Variants in LY6S observed in about 807,000 individuals in gnomAD.
The protein encoded by LY6S is lymphocyte antigen 6S.
At chr8:143,042,512 A>C in the LY6S span, 1 of 157,380 alleles carries the variant, frequency 6.4e-6, no homozygotes, top group Non-Finnish European at 1.4e-5. Flanking sequence ...GCACCTCCCC[A>C]AGGCCATGGT....
chr8:143,059,094 T>C, the LY6S span, among the ~76,000 whole-genome samples: 1,636 of 152,362 alleles, frequency 0.011, 31 homozygotes, highest in African/African-American at 0.037. Flanking sequence ...GAACGGCTCA[T>C]GTCCTCTGTC....
the LY6S span, chr8:143,043,058 C>T: frequency 1.9e-5 from 26 of 1,367,726 alleles, no homozygotes; most frequent in East Asian, 1.2e-3. Context: ...TCTTCAAAAC[C>T]AAGCAGCTGG....
the LY6S span, among the ~76,000 whole-genome samples, chr8:143,051,372 C>T: frequency 6.6e-6 from 1 of 152,054 alleles, no homozygotes; most frequent in Non-Finnish European, 1.5e-5. Flanking sequence ...GAAACCCCGT[C>T]TCTACTAAAA....
the LY6S span, among the ~76,000 whole-genome samples, chr8:143,070,446 G>GTATATATATATATAA: frequency 1.4e-5 from 1 of 69,536 alleles, no homozygotes; most frequent in African/African-American, 8.5e-5. Context: ...TATATATATT[G>GTATATATATATATAA]TATATATATA....
the LY6S span, among the ~76,000 whole-genome samples, chr8:143,072,825 A>G: frequency 0.049 from 1,452 of 29,404 alleles, no homozygotes; most frequent in Admixed American, 0.09. Flanking sequence ...CGTCCTCGGG[A>G]TTCCTGTTTG....
chr8:143,047,357 G>A, the LY6S span, among the ~76,000 whole-genome samples: 2 of 151,806 alleles, frequency 1.3e-5, no homozygotes, highest in African/African-American at 4.8e-5. Flanking sequence ...ATGTTGGCCA[G>A]TCTCAAACTC....
the LY6S span, among the ~76,000 whole-genome samples, chr8:143,050,892 G>T: frequency 2.0e-5 from 3 of 152,386 alleles, no homozygotes; most frequent in African/African-American, 7.2e-5. Flanking sequence ...GCAAAAAGCA[G>T]AGTGAGTCCC....
chr8:143,070,444 TTGTA>T, the LY6S span, among the ~76,000 whole-genome samples: 1 of 56,552 alleles, frequency 1.8e-5, no homozygotes, highest in Non-Finnish European at 2.7e-5. Context: ...TATATATATA[TTGTA>T]TATATATATA....
At chr8:143,071,395 C>T in the LY6S span, among the ~76,000 whole-genome samples, 6 of 152,226 alleles carry the variant, frequency 3.9e-5, no homozygotes, top group East Asian at 7.7e-4. Context: ...TAATGGTGGA[C>T]GCATGATGTT....
At chr8:143,049,368 A>G in the LY6S span, 13 of 488,892 alleles carry the variant, frequency 2.7e-5, no homozygotes, top group Admixed American at 1.7e-4. Flanking sequence ...TGACAATGAA[A>G]AGTGGTCAGA....
chr8:143,050,575 G>A, the LY6S span, among the ~76,000 whole-genome samples: 4 of 152,126 alleles, frequency 2.6e-5, no homozygotes, highest in Non-Finnish European at 4.4e-5. Flanking sequence ...CTCTTGGGAG[G>A]AAGACTTGCC....
At chr8:143,061,854 A>G in the LY6S span, among the ~76,000 whole-genome samples, 1 of 152,180 alleles carries the variant, frequency 6.6e-6, no homozygotes, top group African/African-American at 2.4e-5. Flanking sequence ...AGGTATTTCA[A>G]TACGAATCTT....
the LY6S span, among the ~76,000 whole-genome samples, chr8:143,058,972 T>C: frequency 2.0e-5 from 3 of 152,268 alleles, no homozygotes; most frequent in African/African-American, 4.8e-5. Flanking sequence ...ATTATTATAA[T>C]ATTGGAATAA....
chr8:143,044,788 C>T, the LY6S span: 13 of 1,367,224 alleles, frequency 9.5e-6, no homozygotes, highest in East Asian at 4.6e-5. Context: ...TCTGTAGCAG[C>T]GCAGACCCTG....
chr8:143,048,713 A>G, the LY6S span, among the ~76,000 whole-genome samples: 1 of 152,030 alleles, frequency 6.6e-6, no homozygotes, highest in Non-Finnish European at 1.5e-5. Flanking sequence ...CAAGTGATCC[A>G]TCCACCTTGG....
At chr8:143,072,952 G>A in the LY6S span, among the ~76,000 whole-genome samples, 106 of 48,832 alleles carry the variant, frequency 2.2e-3, 1 homozygote, top group Middle Eastern at 0.021. Flanking sequence ...GACAGCCGTC[G>A]TCCTCGGGGT....
At chr8:143,065,742 T>C in the LY6S span, among the ~76,000 whole-genome samples, 7 of 148,822 alleles carry the variant, frequency 4.7e-5, no homozygotes, top group Middle Eastern at 3.2e-3. Flanking sequence ...TTCTCTTTCT[T>C]TCTCTTTCTT....
At chr8:143,049,323 T>C in the LY6S span, 3 of 533,668 alleles carry the variant, frequency 5.6e-6, no homozygotes, top group Admixed American at 1.9e-5. Flanking sequence ...AAAAGACATC[T>C]TTTGTTACAC....
At chr8:143,065,760 T>TTTC in the LY6S span, among the ~76,000 whole-genome samples, 45 of 138,340 alleles carry the variant, frequency 3.3e-4, 2 homozygotes, top group South Asian at 6.7e-3. Context: ...CTTTCTTTCT[T>TTTC]TCTTTCTTTT....
Sources: allele counts gnomAD v4.1 joint callset (sites outside exome capture counted in the v4.1 genomes callset), GRCh38; gene constraint gnomAD v4.1.1; transcripts MANE v1.5; gene names NCBI Gene and HGNC (gene_info 2026-07-23, HGNC 2026-07-21).